The following TMEM238 variants were observed in gnomAD, a reference collection of about 807,000 sequenced individuals.
TMEM238 encodes the protein transmembrane protein 238.
For missense variants in TMEM238, 169 were observed against 206.8 expected (o/e 0.82, Z 1.12); for synonymous variants, 103 against 111.5 (o/e 0.92, Z 0.48).
intron 1 of TMEM238, among the ~76,000 whole-genome samples, chr19:55,380,164 G>A (rs1035492594): frequency 6.6e-6 from 1 of 151,912 alleles, no homozygotes; most frequent in African/African-American, 2.4e-5. Flanking sequence ...CTCTAAGTGG[G>A]GCCTACGTTC....
chr19:55,383,008 G>T lies in TMEM238; in HGVS notation c.*7+714C>A, dbSNP rs1041683089. The stretch of plus-strand genomic sequence containing the variant: ...TTGGGCAAATGTGGCGCCTTTCTGC[G>T]CTTCAGTTTCCTCCACTGCAGAATG... On this transcript the variant is annotated intron_variant, in intron 1 of 1. Coordinates refer to ENST00000444469, the MANE Select transcript of TMEM238 (RefSeq NM_001190764.2). The surrounding 1 kb of genome is among the most constrained non-coding windows in gnomAD (Gnocchi z 4.9). 6.6e-6 allele frequency among the ~76,000 whole-genome samples: 1 copy of T among 152,206 alleles called. No individual in the cohort carries two copies. The highest frequency in any genetic ancestry group is 1.5e-5 in the Non-Finnish European group (1 of 68,036).
rs1346572187 is a variant in TMEM238, at chr19:55,383,937, C to G, written c.323G>C (p.Arg108Pro). The change falls in exon 1 of 2, where the codon CGG (arginine) becomes CCG (proline). Residue 108 changes from arginine to proline, a missense_variant. By Grantham distance (103) the Arg-to-Pro change is moderately radical. Transcript: ENST00000444469. The surrounding 1 kb of genome is among the most constrained non-coding windows in gnomAD (Gnocchi z 4.9). Reference sequence around the variant, plus strand: ...CGCCAGGCGGGCGAGCGCCGAGGGCCGCAGGCCGTAGTCGCGCTCCAGCTC... The same window carrying G: ...CGCCAGGCGGGCGAGCGCCGAGGGCGGCAGGCCGTAGTCGCGCTCCAGCTC... The part of the protein sequence containing the change: ...RQELERDYGL[R>P]PSALARLARK... The G allele has an allele frequency of 9.8e-6, 13 of 1,328,082 alleles. No homozygotes were observed. The highest frequency in any genetic ancestry group is 1.3e-5 in the Non-Finnish European group (13 of 1,024,224). 82.3% of individuals were successfully genotyped at this position (1,328,082 alleles called of 1,614,324 possible).
chr19:55,381,201 C>T (rs1288711000), intron 1 of TMEM238, among the ~76,000 whole-genome samples: 1 of 151,882 alleles, frequency 6.6e-6, no homozygotes, highest in East Asian at 1.9e-4. Context: ...GGCGGATCAC[C>T]CGAGATCGGG....
Position 55,380,090 on chromosome 19 carries a change from T to C in TMEM238, c.*8-723A>G, listed in dbSNP as rs978946228. 1.1e-4 allele frequency among the ~76,000 whole-genome samples: 17 copies of C among 151,830 alleles called. 1 individual carries two copies. The highest frequency in any genetic ancestry group is 2.9e-5 in the Non-Finnish European group (2 of 67,932). On this transcript the variant is annotated intron_variant, in intron 1 of 1. Transcript: ENST00000444469. ...TAAAATTCAGGTTCTCTGTCTTTCA[T>C]GCGCTGGAAGCTGCTCACTCTCCCC... is the stretch of plus-strand genomic sequence containing the variant.
intron 1 of TMEM238, among the ~76,000 whole-genome samples, chr19:55,381,803 G>T (rs1316573214): frequency 6.6e-6 from 1 of 152,150 alleles, no homozygotes; most frequent in Non-Finnish European, 1.5e-5. Flanking sequence ...AGTCTCTGAG[G>T]CCTCCCCAGT....
In TMEM238 at chr19:55,384,167, C is replaced by G. The variant is rs1415236052; in HGVS notation, c.93G>C (p.Leu31=). ...GCAGCAGCGCCATCCGGCAGCGGCCCAGGCCGGCCGCGGGTGCTGGCGCGG... is the reference window on the plus strand; with the variant it reads ...GCAGCAGCGCCATCCGGCAGCGGCCGAGGCCGGCCGCGGGTGCTGGCGCGG... The part of the protein sequence containing the change: ...PAAAPAPAAG[L]GRCRMALLLA... The change falls in exon 1 of 2, where the codon CTG becomes CTC. Residue 31 remains leucine (L), a synonymous_variant. Coordinates refer to ENST00000444469, the MANE Select transcript of TMEM238 (RefSeq NM_001190764.2). This position sits in a 1 kb window ranked among gnomAD's most constrained non-coding sequence, Gnocchi z 5.6. 1 of 1,240,074 alleles carries G rather than the reference C, an allele frequency of 8.1e-7. No individual in the cohort carries two copies. Among genetic ancestry groups the G allele is most frequent in the African/African-American group, 1.6e-5 (1 of 62,220 alleles). The allele number at this position is 1,240,074 out of a possible 1,614,324, so 76.8% of individuals were successfully genotyped here.
Position 55,383,155 on chromosome 19 carries a change from C to T in TMEM238, c.*7+567G>A, listed in dbSNP as rs897555689. ...CTTTGGGAGGCTGAGGAGAGCAAAT[C>T]GCATGAGCTCAGGAGGTGGGGACCA... is the stretch of plus-strand genomic sequence containing the variant. On this transcript the variant is annotated intron_variant, in intron 1 of 1. Coordinates refer to ENST00000444469, the MANE Select transcript of TMEM238 (RefSeq NM_001190764.2). The surrounding 1 kb of genome is among the most constrained non-coding windows in gnomAD (Gnocchi z 4.9). Among the ~76,000 whole-genome samples the T allele has an allele frequency of 6.6e-6, 1 of 152,160 alleles. No individual in the cohort carries two copies. The highest frequency in any genetic ancestry group is 1.5e-5 in the Non-Finnish European group (1 of 68,026).
At chr19:55,379,623 C>T (rs749156706) in intron 1 of TMEM238, among the ~76,000 whole-genome samples, 24 of 151,774 alleles carry the variant, frequency 1.6e-4, no homozygotes, top group Admixed American at 3.3e-4. Context: ...AAGGGGGAGA[C>T]GAAGACATGC....
In TMEM238 at chr19:55,383,776, C is replaced by T; in HGVS notation, c.484G>A (p.Ala162Thr). 1 of 288,156 alleles carries T rather than the reference C, an allele frequency of 3.5e-6. No homozygotes were observed. Among genetic ancestry groups the T allele is most frequent in the Non-Finnish European group, 5.9e-6 (1 of 169,874 alleles). The allele number at this position is 288,156 out of a possible 1,614,324, so 17.8% of individuals were successfully genotyped here. The change falls in exon 1 of 2, where the codon GCC becomes ACC. Residue 162 changes from alanine (A) to threonine (T), a missense_variant. Coordinates refer to ENST00000444469, the MANE Select transcript of TMEM238 (RefSeq NM_001190764.2). The surrounding 1 kb of genome is among the most constrained non-coding windows in gnomAD (Gnocchi z 4.9). The stretch of plus-strand genomic sequence containing the variant: ...GCCCCGGGCCCGGCCTCGAGCGTGG[C>T]GAGCTGCAGGCGCACGCGGCGGGAG... ...AGSRRVRLQL[A>T]TLEAGPGAAG...
At chr19:55,380,764 T>G (rs73617860) in intron 1 of TMEM238, among the ~76,000 whole-genome samples, 42,323 of 149,144 alleles carry the variant, frequency 0.28, 10,064 homozygotes, top group African/African-American at 0.66. Flanking sequence ...TTGAGACGGG[T>G]TCTCACTCTG....
intron 1 of TMEM238, among the ~76,000 whole-genome samples, chr19:55,380,092 C>A (rs759708272): frequency 1.3e-5 from 2 of 151,760 alleles, no homozygotes; most frequent in East Asian, 1.9e-4. Context: ...GTCTTTCATG[C>A]GCTGGAAGCT....
At position 55,381,418 on chromosome 19, in the gene TMEM238, CAAA is replaced by C. The variant is rs56902543; in HGVS notation, c.*8-2054_*8-2052del. ...GGACAACAAGAGTGTAACTCCATCT[CAAA>C]AAAAAAAAAAAAAAAAAAAAAAGTT... On this transcript the variant is annotated intron_variant, in intron 1 of 1. Transcript: ENST00000444469. Among the ~76,000 whole-genome samples the C allele has an allele frequency of 8.3e-3, 446 of 53,500 alleles. 2 individuals are homozygous for C. The highest frequency in any genetic ancestry group is 0.027 in the African/African-American group (425 of 15,932). 35.1% of individuals were successfully genotyped at this position (53,500 alleles called of 152,430 possible).
At position 55,383,836 on chromosome 19, in the gene TMEM238, G is replaced by C. The variant is rs986627423; in HGVS notation, c.424C>G (p.Arg142Gly). 1 of 730,246 alleles carries C rather than the reference G, an allele frequency of 1.4e-6. No individual in the cohort carries two copies. The highest frequency in any genetic ancestry group is 1.9e-5 in the African/African-American group (1 of 51,642). The allele number at this position is 730,246 out of a possible 1,614,324, so 45.2% of individuals were successfully genotyped here. A position where few individuals can be genotyped will look rare whatever the true frequency, so the allele number is the denominator to read the frequency against. The change falls in exon 1 of 2, where the codon CGA becomes GGA. Residue 142 changes from arginine (R) to glycine (G), a missense_variant. Transcript: ENST00000444469. This position sits in a 1 kb window ranked among gnomAD's most constrained non-coding sequence, Gnocchi z 4.9. ...GGCGGCGGGGGCGCGCGGGCGGCTC[G>C]GCGCGCTCTCCGGGAGCCGGGCGCG... is the stretch of plus-strand genomic sequence containing the variant. ...RPAPGSRRARRAARAPPPPAA... is the reference protein window; with the variant it reads ...RPAPGSRRARGAARAPPPPAA...
At chr19:55,380,844 C>T in intron 1 of TMEM238, among the ~76,000 whole-genome samples, 1 of 147,384 alleles carries the variant, frequency 6.8e-6, no homozygotes, top group Admixed American at 6.7e-5. Context: ...TTCAAGCAAG[C>T]AATTCTCCCA....
At chr19:55,380,491 C>A (rs1441552280) in intron 1 of TMEM238, among the ~76,000 whole-genome samples, 1 of 146,746 alleles carries the variant, frequency 6.8e-6, no homozygotes, top group African/African-American at 2.5e-5. Flanking sequence ...GTGGCACGAT[C>A]TTGGTTCACT....
At chr19:55,380,769 ACT>A (rs1320227728) in intron 1 of TMEM238, among the ~76,000 whole-genome samples, 1 of 136,770 alleles carries the variant, frequency 7.3e-6, no homozygotes, top group Non-Finnish European at 1.6e-5. Context: ...ACGGGTTCTC[ACT>A]CTGTCACTCA....
Position 55,383,856 on chromosome 19 carries a change from GGCGC to G in TMEM238, c.400_403del (p.Ala134ProfsTer57). On this transcript the variant is annotated frameshift_variant, in exon 1 of 2. Coordinates refer to ENST00000444469, the MANE Select transcript of TMEM238 (RefSeq NM_001190764.2). LOFTEE classifies it low-confidence loss of function (END_TRUNC). This position sits in a 1 kb window ranked among gnomAD's most constrained non-coding sequence, Gnocchi z 4.9. ...GGCTCGGCGCGCTCTCCGGGAGCCG[GGCGC>G]GGGGCGCTGGCCCGCGGCGGCGGGC... is the stretch of plus-strand genomic sequence containing the variant. The G allele has an allele frequency of 1.1e-6, 1 of 891,856 alleles. No individual in the cohort carries two copies. Among genetic ancestry groups the G allele is most frequent in the Non-Finnish European group, 1.4e-6 (1 of 740,488 alleles). The allele number at this position is 891,856 out of a possible 1,614,324, so 55.2% of individuals were successfully genotyped here. A position where few individuals can be genotyped will look rare whatever the true frequency, so the allele number is the denominator to read the frequency against.
intron 1 of TMEM238, among the ~76,000 whole-genome samples, chr19:55,380,753 T>A (rs576738229): frequency 6.7e-6 from 1 of 150,006 alleles, no homozygotes; most frequent in African/African-American, 2.5e-5. Flanking sequence ...TCTTTCTTTT[T>A]TTGAGACGGG....
chr19:55,379,688 CACAGAG>C (rs1333574185), intron 1 of TMEM238, among the ~76,000 whole-genome samples: 1 of 152,122 alleles, frequency 6.6e-6, no homozygotes, highest in East Asian at 1.9e-4. Context: ...GAGACAGAGA[CACAGAG>C]ACAAAGAGTG....
Sources: gnomAD v4.1 joint callset for allele counts (sites outside exome capture counted in the v4.1 genomes callset) on GRCh38, gnomAD v4.1.1 for gene constraint, Gnocchi (gnomAD v3.1) non-coding constraint, MANE v1.5 for transcripts, NCBI Gene and HGNC (gene_info 2026-07-23, HGNC 2026-07-21) for gene names.